Variants in CCDC192 observed in about 807,000 individuals in gnomAD.
CCDC192 encodes coiled-coil domain-containing protein 192.
chr5:127,737,673 A>G (rs1173008123), intron 2 of CCDC192, among the ~76,000 whole-genome samples: 8 of 151,422 alleles, frequency 5.3e-5, no homozygotes, highest in Non-Finnish European at 1.0e-4. Context: ...TGATCCCTTT[A>G]CCATTATGTA....
At chr5:127,725,237 A>C (rs939464283) in intron 2 of CCDC192, among the ~76,000 whole-genome samples, 1 of 152,180 alleles carries the variant, frequency 6.6e-6, no homozygotes, top group African/African-American at 2.4e-5. Flanking sequence ...CCATAGAGAC[A>C]GGTTGTTTAC....
At chr5:127,702,264 G>A (rs1750739139), upstream of CCDC192, among the ~76,000 whole-genome samples, 2 of 151,694 alleles carry the variant, frequency 1.3e-5, no homozygotes, top group African/African-American at 4.9e-5. Flanking sequence ...GGCTAATTTG[G>A]TTCTTTCTTA....
intron 5 of CCDC192, among the ~76,000 whole-genome samples, chr5:127,840,356 T>C (rs1750227731): frequency 6.6e-6 from 1 of 152,224 alleles, no homozygotes; most frequent in African/African-American, 2.4e-5. Context: ...ATCCCTAATA[T>C]TTATTGAGTA....
intron 5 of CCDC192, among the ~76,000 whole-genome samples, chr5:127,798,513 G>T (rs1055660445): frequency 6.6e-6 from 1 of 152,030 alleles, no homozygotes; most frequent in African/African-American, 2.4e-5. Flanking sequence ...ATCAGATAAA[G>T]GTCTAGAGCA....
intron 2 of CCDC192, among the ~76,000 whole-genome samples, chr5:127,720,067 A>G (rs1561445699): frequency 6.6e-6 from 1 of 152,112 alleles, no homozygotes; most frequent in Non-Finnish European, 1.5e-5. Flanking sequence ...GCAAAATACA[A>G]TCAACCTTTC....
intron 5 of CCDC192, among the ~76,000 whole-genome samples, chr5:127,821,822 G>C (rs1483938177): frequency 6.6e-6 from 1 of 152,160 alleles, no homozygotes; most frequent in Non-Finnish European, 1.5e-5. Flanking sequence ...GAGATAGAAG[G>C]TGGTACCCAG....
At chr5:127,746,116 G>A (rs1393067184) in intron 2 of CCDC192, among the ~76,000 whole-genome samples, 1 of 152,218 alleles carries the variant, frequency 6.6e-6, no homozygotes, top group African/African-American at 2.4e-5. Flanking sequence ...AAGCTGAAAG[G>A]CAGGTCAGAG....
At chr5:127,933,585 T>A (rs768955097) in intron 6 of CCDC192, among the ~76,000 whole-genome samples, 2 of 152,186 alleles carry the variant, frequency 1.3e-5, no homozygotes, top group African/African-American at 2.4e-5. Context: ...TCATTCTACG[T>A]GTTCACTAAA....
chr5:127,933,255 T>C (rs1356493008), intron 6 of CCDC192, among the ~76,000 whole-genome samples: 1 of 152,162 alleles, frequency 6.6e-6, no homozygotes, highest in Non-Finnish European at 1.5e-5. Flanking sequence ...CGCTGGAGGA[T>C]TGTAGGCGAG....
At chr5:127,776,672 A>G (rs1755875684) in intron 3 of CCDC192, among the ~76,000 whole-genome samples, 1 of 152,154 alleles carries the variant, frequency 6.6e-6, no homozygotes, top group African/African-American at 2.4e-5. Flanking sequence ...GGGAGGAAAA[A>G]ATGGTTTCAT....
At chr5:127,919,232 C>T (rs1196921929) in intron 6 of CCDC192, among the ~76,000 whole-genome samples, 2 of 152,074 alleles carry the variant, frequency 1.3e-5, no homozygotes, top group East Asian at 3.9e-4. Context: ...CAGGTGCTTT[C>T]ACCTGGTTCC....
At chr5:127,911,362 T>C (rs537181447) in intron 6 of CCDC192, among the ~76,000 whole-genome samples, 19 of 152,332 alleles carry the variant, frequency 1.2e-4, no homozygotes, top group African/African-American at 4.6e-4. Flanking sequence ...GAAGAGAAGC[T>C]GGGAGCTAAA....
chr5:127,930,980 C>G (rs1235221702), intron 6 of CCDC192, among the ~76,000 whole-genome samples: 2 of 152,248 alleles, frequency 1.3e-5, no homozygotes, highest in African/African-American at 4.8e-5. Context: ...GATGTGTATG[C>G]AAACATCTTT....
chr5:127,801,878 A>G lies in CCDC192; in HGVS notation c.411+3716A>G, dbSNP rs569396076. On this transcript the variant is annotated intron_variant, in intron 5 of 6. Coordinates refer to ENST00000514853, the MANE Select transcript of CCDC192 (RefSeq NM_001317938.2). ...TGAGTAGCAAGCTTTTATAGGCAAAACACAGAAGCAAAGTAAAGACATTAT... is the reference window on the plus strand; with the variant it reads ...TGAGTAGCAAGCTTTTATAGGCAAAGCACAGAAGCAAAGTAAAGACATTAT... Among the ~76,000 whole-genome samples, 11 of 152,314 alleles carry G rather than the reference A, an allele frequency of 7.2e-5. No individual in the cohort carries two copies. In the East Asian group the frequency reaches 2.1e-3, roughly 29 times the overall value.
intron 5 of CCDC192, among the ~76,000 whole-genome samples, chr5:127,854,887 G>A (rs185983188): frequency 7.9e-5 from 12 of 152,270 alleles, no homozygotes; most frequent in African/African-American, 2.2e-4. Flanking sequence ...ATAGAATAGT[G>A]TAAACATAAC....
chr5:127,854,662 C>T (rs1418941133), intron 5 of CCDC192, among the ~76,000 whole-genome samples: 2 of 152,152 alleles, frequency 1.3e-5, no homozygotes, highest in African/African-American at 2.4e-5. Context: ...GCACCACACT[C>T]ATATAGCCAA....
chr5:127,906,274 A>G (rs140301247), intron 6 of CCDC192, among the ~76,000 whole-genome samples: 110 of 152,258 alleles, frequency 7.2e-4, no homozygotes, highest in African/African-American at 2.6e-3. Flanking sequence ...GAATCACACA[A>G]TATTTGTCCT....
At chr5:127,887,551 T>G (rs940571630) in intron 6 of CCDC192, among the ~76,000 whole-genome samples, 1 of 152,128 alleles carries the variant, frequency 6.6e-6, no homozygotes, top group Non-Finnish European at 1.5e-5. Context: ...AATAGGTTTT[T>G]GTAACTTTGG....
chr5:127,850,907 G>A (rs1177604628), intron 5 of CCDC192, among the ~76,000 whole-genome samples: 1 of 152,090 alleles, frequency 6.6e-6, no homozygotes, highest in Admixed American at 6.6e-5. Flanking sequence ...TGGAGGTTGC[G>A]GTGAGCTGAG....
Sources: gnomAD v4.1 joint callset for allele counts (sites outside exome capture counted in the v4.1 genomes callset) on GRCh38, gnomAD v4.1.1 for gene constraint, MANE v1.5 for transcripts, NCBI Gene and HGNC (gene_info 2026-07-23, HGNC 2026-07-21) for gene names.